The following PPP1R16A variants were observed in gnomAD, a reference collection of about 807,000 sequenced individuals.
The protein encoded by PPP1R16A is myosin phosphatase-targeting subunit 3.
Under a neutral mutation model 46.6 loss-of-function variants are expected in PPP1R16A, and 39 were observed. The ratio of observed to expected loss-of-function variants is 0.84; its 90% CI spans 0.65 to 1.09. The LOEUF (loss-of-function observed/expected upper bound fraction) is 1.09. Ranked by LOEUF, PPP1R16A falls within the 50% of genes least tolerant of loss-of-function variation. The pLI, the probability that PPP1R16A is intolerant of heterozygous loss-of-function variation, is 0.00. For synonymous variants in PPP1R16A, 413 were observed against 321.5 expected (o/e 1.28, Z -3.04); for missense variants, 798 against 735.6 (o/e 1.08, Z -0.98).
At chr8:144,500,447 G>A (rs1325904648) in intron 7 of PPP1R16A, 40 bp from the exon 8 acceptor site, 11 of 1,543,530 alleles carry the variant, frequency 7.1e-6, no homozygotes, top group Non-Finnish European at 9.5e-6. Context: ...ACTTGGAGGT[G>A]GGGGATGGGG....
intron 2 of PPP1R16A, chr8:144,495,793 G>A (rs1379736439): frequency 6.6e-6 from 1 of 152,364 alleles, no homozygotes; most frequent in Non-Finnish European, 1.5e-5. Context: ...CACACTTAGT[G>A]TGTCGGGCAG....
At position 144,497,052 on chromosome 8, in the gene PPP1R16A, C is replaced by T. The variant is rs1826105685; in HGVS notation, c.-143C>T. The T allele has an allele frequency of 8.6e-7, 1 of 1,160,562 alleles. No individual in the cohort carries two copies. Among genetic ancestry groups the T allele is most frequent in the Non-Finnish European group, 1.2e-6 (1 of 825,014 alleles). The allele number at this position is 1,160,562 out of a possible 1,614,324, so 71.9% of individuals were successfully genotyped here. ...TGGTTATTGTGTGGGGCCTCCTGACCCAGCCAAGGGCACGAAGCTCTGGGA... is the reference window on the plus strand; with the variant it reads ...TGGTTATTGTGTGGGGCCTCCTGACTCAGCCAAGGGCACGAAGCTCTGGGA... On this transcript the variant is annotated 5_prime_UTR_variant, in exon 3 of 12. Coordinates refer to ENST00000435887, the MANE Select transcript of PPP1R16A (RefSeq NM_001329443.2).
At chr8:144,479,806 G>A (rs1324968021) in intron 1 of PPP1R16A, among the ~76,000 whole-genome samples, 2 of 152,218 alleles carry the variant, frequency 1.3e-5, no homozygotes, top group Admixed American at 6.5e-5. Flanking sequence ...CTTTCATGCC[G>A]AGGCTCTCCT....
intron 5 of PPP1R16A, 96 bp downstream of exon 5, chr8:144,499,157 C>T: frequency 7.1e-7 from 1 of 1,414,770 alleles, no homozygotes; most frequent in Non-Finnish European, 9.4e-7. Context: ...TCTCGGCCTC[C>T]TGTGTTCCCG....
rs1204534350 is a variant in PPP1R16A at position 144,501,849 on chromosome 8, A to G, written c.1533A>G (p.Thr511=). ...AGGDPPLLKL[T]APAVEAPVER... is the part of the protein sequence containing the mutation. ...GGGACCCACCCCTGCTCAAGCTCAC[A>G]GCCCCGGCGGTGGAGGCTCCCGTGG... Residue 511 remains threonine (T), a synonymous_variant, in exon 12 of 12, where the codon ACA becomes ACG. Coordinates refer to ENST00000435887, the MANE Select transcript of PPP1R16A (RefSeq NM_001329443.2). The G allele has an allele frequency of 1.3e-6, 2 of 1,548,208 alleles. No individual in the cohort carries two copies. Among genetic ancestry groups the G allele is most frequent in the Admixed American group, 3.9e-5 (2 of 51,482 alleles).
intron 1 of PPP1R16A, among the ~76,000 whole-genome samples, chr8:144,482,298 T>C (rs1271801974): frequency 6.6e-6 from 1 of 152,226 alleles, no homozygotes; most frequent in East Asian, 1.9e-4. Context: ...CCTGAAGTGA[T>C]CTGCCTGCCT....
intron 1 of PPP1R16A, among the ~76,000 whole-genome samples, chr8:144,487,946 G>A (rs1441743024): frequency 6.6e-6 from 1 of 152,158 alleles, no homozygotes; most frequent in Non-Finnish European, 1.5e-5. Flanking sequence ...TTTCAGTTCT[G>A]GGTTTTGCAA....
In PPP1R16A at chr8:144,498,583, C is replaced by T. The variant is rs561983138; in HGVS notation, c.260-187C>T. 4.3e-5 allele frequency: 25 copies of T among 587,870 alleles called. No homozygotes were observed. In the East Asian group the frequency reaches 7.2e-4, roughly 17 times the overall value. The allele number at this position is 587,870 out of a possible 1,614,324, so 36.4% of individuals were successfully genotyped here. On this transcript the variant is annotated intron_variant, in intron 3 of 11. Transcript: ENST00000435887. ...GCAGGTGGGTGGAGGCAGAGGGCTT[C>T]TGGGAGTGTGACCGGCCTGGGCCAG...
chr8:144,501,626 GC>G lies in PPP1R16A; in HGVS notation c.1315del (p.Leu439TrpfsTer21), dbSNP rs2130582410. Reference protein sequence around the residue: ...RLDRSVSYQLSPLDSTTPHTL... With the variant: ...RLDRSVSYQLXPLDSTTPHTL... ...GACCGGAGTGTCTCCTACCAGCTGA[GC>G]CCCCTGGACAGCACCACCCCCCACA... On this transcript the variant is annotated frameshift_variant, in exon 12 of 12. Transcript: ENST00000435887. LOFTEE classifies it low-confidence loss of function (END_TRUNC). 1 of 1,610,616 alleles carries G rather than the reference GC, an allele frequency of 6.2e-7. No homozygotes were observed. Among genetic ancestry groups the G allele is most frequent in the South Asian group, 1.1e-5 (1 of 90,496 alleles).
chr8:144,500,406 G>A lies in PPP1R16A; in HGVS notation c.705+15G>A, dbSNP rs770892937. ...GGGCCACGCTGGTGAGGGCTGGGGG[G>A]TGAGGGGCACACGGGGCTGGGGGCC... is the stretch of plus-strand genomic sequence containing the variant. On this transcript the variant is annotated intron_variant, in intron 7 of 11. Transcript: ENST00000435887. 12 of 1,520,326 alleles carry A rather than the reference G, an allele frequency of 7.9e-6. No homozygotes were observed. Among genetic ancestry groups the A allele is most frequent in the Admixed American group, 2.0e-5 (1 of 49,728 alleles). 94.2% of individuals were successfully genotyped at this position (1,520,326 alleles called of 1,614,324 possible).
Position 144,501,271 on chromosome 8 carries a change from G to C in PPP1R16A, c.1180G>C (p.Glu394Gln). ...EDNDDRQTGA[E>Q]LRPPPPEEDN... Reference sequence around the variant, plus strand: ...CAACGATGACCGCCAGACAGGCGCAGAGCTCAGGCCGCCGCCCCCGGAGGT... The same window carrying C: ...CAACGATGACCGCCAGACAGGCGCACAGCTCAGGCCGCCGCCCCCGGAGGT... The change falls in exon 11 of 12, where the codon GAG (glutamate) becomes CAG (glutamine). Residue 394 changes from glutamate to glutamine, a missense_variant. Coordinates refer to ENST00000435887, the MANE Select transcript of PPP1R16A (RefSeq NM_001329443.2). 3 of 1,597,524 alleles carry C rather than the reference G, an allele frequency of 1.9e-6. No homozygotes were observed. Among genetic ancestry groups the C allele is most frequent in the Non-Finnish European group, 2.5e-6 (3 of 1,176,484 alleles).
At chr8:144,482,075 T>TGCCACCGCC (rs1825454067) in intron 1 of PPP1R16A, among the ~76,000 whole-genome samples, 1 of 151,094 alleles carries the variant, frequency 6.6e-6, no homozygotes, top group African/African-American at 2.4e-5. Flanking sequence ...TGTGCCCGGC[T>TGCCACCGCC]GCCGCCGCCG....
intron 1 of PPP1R16A, among the ~76,000 whole-genome samples, chr8:144,484,242 C>A (rs1270434390): frequency 6.6e-6 from 1 of 152,232 alleles, no homozygotes; most frequent in African/African-American, 2.4e-5. Flanking sequence ...CGAGTCAGAG[C>A]AAATCCTGGG....
chr8:144,482,546 C>T (rs1002781363), intron 1 of PPP1R16A, among the ~76,000 whole-genome samples: 13 of 150,016 alleles, frequency 8.7e-5, no homozygotes, highest in Non-Finnish European at 1.6e-4. Flanking sequence ...CTCAACCTCC[C>T]GGGTTTAAGC....
rs187451483 is a variant in PPP1R16A, at chr8:144,480,409, C to T, written c.-914+2282C>T. Among the ~76,000 whole-genome samples the T allele has an allele frequency of 8.5e-4, 129 of 152,238 alleles. 1 individual carries two copies. The highest frequency in any genetic ancestry group is 3.7e-3 in the Admixed American group (57 of 15,294). On this transcript the variant is annotated intron_variant, in intron 1 of 11. Transcript: ENST00000435887. ...CACTCACTGCAACCTCTGCCTCCCG[C>T]GTTCAAATGATTTTCCTGCCTCAGC...
In PPP1R16A at chr8:144,496,906, C is replaced by G; in HGVS notation, c.-289C>G. 1 of 545,192 alleles carries G rather than the reference C, an allele frequency of 1.8e-6. No homozygotes were observed. The highest frequency in any genetic ancestry group is 3.3e-6 in the Non-Finnish European group (1 of 301,804). The allele number at this position is 545,192 out of a possible 1,614,324, so 33.8% of individuals were successfully genotyped here. A position where few individuals can be genotyped will look rare whatever the true frequency, so the allele number is the denominator to read the frequency against. ...CTCCCATAGGTTGTGCACCCTGACC[C>G]CGAGAGGGAGGCGAGGCGCTGCTTG... On this transcript the variant is annotated 5_prime_UTR_variant, in exon 3 of 12. Coordinates refer to ENST00000435887, the MANE Select transcript of PPP1R16A (RefSeq NM_001329443.2).
intron 2 of PPP1R16A, among the ~76,000 whole-genome samples, chr8:144,492,697 G>C (rs1025053258): frequency 1.3e-5 from 2 of 152,094 alleles, no homozygotes; most frequent in East Asian, 3.9e-4. Context: ...CCTGTGAAAG[G>C]GGAGCCTACA....
In PPP1R16A at chr8:144,501,528, C is replaced by A; in HGVS notation, c.1212C>A (p.Asn404Lys). Residue 404 changes from asparagine to lysine, a missense_variant, in exon 12 of 12, where the codon AAC becomes AAA. Physicochemically the swap from Asn to Lys is moderately conservative, Grantham distance 94. Coordinates refer to ENST00000435887, the MANE Select transcript of PPP1R16A (RefSeq NM_001329443.2). ...ACCTTCACTGCCCGCAGGAGGACAACCCCGAAGTGGTCAGGCCGCACAATG... is the reference window on the plus strand; with the variant it reads ...ACCTTCACTGCCCGCAGGAGGACAAACCCGAAGTGGTCAGGCCGCACAATG... ...ELRPPPPEED[N>K]PEVVRPHNGR... 6.4e-7 allele frequency: 1 copy of A among 1,561,616 alleles called. No individual in the cohort carries two copies. Among genetic ancestry groups the A allele is most frequent in the Non-Finnish European group, 8.7e-7 (1 of 1,153,436 alleles).
rs115035092 is a variant in PPP1R16A at position 144,487,200 on chromosome 8, G to A, written c.-913-2834G>A. ...GACGGGGTTTCACCCTGTTGGTCTC[G>A]AACTCCTGATCTCAAGCAATCCTTC... On this transcript the variant is annotated intron_variant, in intron 1 of 11. Transcript: ENST00000435887. Among the ~76,000 whole-genome samples, 18 of 152,136 alleles carry A rather than the reference G, an allele frequency of 1.2e-4. No homozygotes were observed. The South Asian group carries it at 3.5e-3, about 30-fold the overall frequency.
Sources: gnomAD v4.1 joint callset for allele counts (sites outside exome capture counted in the v4.1 genomes callset) on GRCh38, gnomAD v4.1.1 for gene constraint, MANE v1.5 for transcripts, NCBI Gene and HGNC (gene_info 2026-07-23, HGNC 2026-07-21) for gene names.